ADGB: variants seen among roughly 807,000 people sequenced by gnomAD.
The protein encoded by ADGB is androglobin.
In ADGB, 172 loss-of-function variants were observed where a neutral mutation model predicts 210.5. That is an observed-to-expected ratio of 0.82 (90% CI 0.72 to 0.93). The LOEUF is 0.93. ADGB is among the 40% of genes least tolerant of loss of function. ADGB has a pLI of 0.00. For missense variants in ADGB, 2,025 were observed against 1,964.8 expected, an observed-to-expected ratio of 1.03 and a Z score of -0.58; for synonymous variants, 658 against 662.7, an observed-to-expected ratio of 0.99 and a Z score of 0.11.
chr6:146,651,801 G>T (rs1203108150), intron 3 of ADGB, among the ~76,000 whole-genome samples: 1 of 152,134 alleles, frequency 6.6e-6, no homozygotes, highest in African/African-American at 2.4e-5. Context: ...GAGATGCCTG[G>T]TGGGAAAGGA....
chr6:146,656,709 C>A, intron 4 of ADGB, 62 bp from the exon 5 acceptor site: 1 of 1,135,414 alleles, frequency 8.8e-7, no homozygotes. Flanking sequence ...TGTTTTTATC[C>A]CTAAATTACA....
At chr6:146,691,037 C>T (rs183517164) in intron 10 of ADGB, 79 bp from the exon 11 acceptor site, 27 of 1,267,540 alleles carry the variant, frequency 2.1e-5, no homozygotes, top group East Asian at 1.0e-4. Flanking sequence ...TTGCTCTGTT[C>T]GTGATAGTAT....
intron 3 of ADGB, among the ~76,000 whole-genome samples, chr6:146,645,946 T>A (rs1775603589): frequency 6.6e-6 from 1 of 152,036 alleles, no homozygotes; most frequent in South Asian, 2.1e-4. Flanking sequence ...AACATTGACA[T>A]GAAGAATATG....
chr6:146,739,417 G>T (rs775187651), intron 23 of ADGB, among the ~76,000 whole-genome samples: 22 of 152,246 alleles, frequency 1.4e-4, no homozygotes, highest in Non-Finnish European at 2.1e-4. Context: ...AGGACTGTAA[G>T]TATAAACCAC....
At chr6:146,642,291 G>A (rs545510930) in intron 2 of ADGB, among the ~76,000 whole-genome samples, 1 of 152,150 alleles carries the variant, frequency 6.6e-6, no homozygotes, top group South Asian at 2.1e-4. Context: ...TGGTGGGAGT[G>A]TAAATTAGTT....
At chr6:146,777,472 T>A (rs1191895031) in intron 29 of ADGB, among the ~76,000 whole-genome samples, 1 of 152,146 alleles carries the variant, frequency 6.6e-6, no homozygotes, top group African/African-American at 2.4e-5. Flanking sequence ...ATTATACTCT[T>A]CTAAAAGTAA....
intron 16 of ADGB, among the ~76,000 whole-genome samples, chr6:146,718,223 T>C (rs1391410608): frequency 1.3e-5 from 2 of 151,934 alleles, no homozygotes; most frequent in Admixed American, 6.6e-5. Context: ...GGCATGCGCC[T>C]GTAATCTCAG....
At chr6:146,687,758 T>C (rs529595963) in intron 10 of ADGB, among the ~76,000 whole-genome samples, 16 of 152,136 alleles carry the variant, frequency 1.1e-4, no homozygotes, top group Admixed American at 6.6e-5. Flanking sequence ...GTATCCTGTT[T>C]GTTTCTTTTT....
At chr6:146,706,693 A>G (rs1776573761) in intron 13 of ADGB, among the ~76,000 whole-genome samples, 1 of 152,098 alleles carries the variant, frequency 6.6e-6, no homozygotes, top group Non-Finnish European at 1.5e-5. Context: ...AATTATACAT[A>G]GTAGATTCTT....
rs115667736 is a variant in ADGB, at chr6:146,770,325, T to C, written c.3862+1194T>C. The C allele has an allele frequency of 3.8e-3, 779 of 203,526 alleles. 2 individuals are homozygous for C. Among genetic ancestry groups the C allele is most frequent in the African/African-American group, 0.017 (727 of 42,916 alleles). 12.6% of individuals were successfully genotyped at this position (203,526 alleles called of 1,614,324 possible). A position where few individuals can be genotyped will look rare whatever the true frequency, so the allele number is the denominator to read the frequency against. ...TTGCCAGGCTTACTTTATTAGAAGG[T>C]ATAGATTCTAGTATGTGTCTTAAAA... is the stretch of plus-strand genomic sequence containing the variant. On this transcript the variant is annotated intron_variant, in intron 29 of 35. Coordinates refer to ENST00000397944, the MANE Select transcript of ADGB (RefSeq NM_024694.4).
At chr6:146,771,841 C>A (rs983430778) in intron 29 of ADGB, among the ~76,000 whole-genome samples, 1 of 152,148 alleles carries the variant, frequency 6.6e-6, no homozygotes, top group Non-Finnish European at 1.5e-5. Context: ...CCACTTTGTT[C>A]TTCAAGTTAT....
intron 8 of ADGB, among the ~76,000 whole-genome samples, chr6:146,673,445 C>G (rs1014707065): frequency 3.3e-5 from 5 of 152,060 alleles, no homozygotes; most frequent in Non-Finnish European, 5.9e-5. Flanking sequence ...TCTTTGTTGT[C>G]GTTATCCTTT....
In ADGB at chr6:146,644,799, G is replaced by T; in HGVS notation, c.264G>T (p.Lys88Asn). The T allele has an allele frequency of 6.7e-7, 1 of 1,486,650 alleles. No individual in the cohort carries two copies. The allele number at this position is 1,486,650 out of a possible 1,614,324, so 92.1% of individuals were successfully genotyped here. The change falls in exon 3 of 36, where the codon AAG (lysine) becomes AAT (asparagine). Residue 88 changes from lysine to asparagine, a missense_variant. Transcript: ENST00000397944. ...ATTTTTTTGAGGACCCTGAAGGAAA[G>T]ATTGAGTTACCACCATCCTTGAAAA... ...VFHFFEDPEG[K>N]IELPPSLKIY...
intron 1 of ADGB, among the ~76,000 whole-genome samples, chr6:146,605,069 A>C (rs530770294): frequency 6.6e-6 from 1 of 152,316 alleles, no homozygotes; most frequent in South Asian, 2.1e-4. Flanking sequence ...ATGAGTATCC[A>C]GCAGAATGAC....
chr6:146,785,767 T>C (rs1777863948), intron 32 of ADGB, 55 bp downstream of exon 32: 3 of 1,278,612 alleles, frequency 2.3e-6, no homozygotes, highest in Admixed American at 4.2e-5. Context: ...TGATTTGCAC[T>C]TCTTAAAAAA....
intron 1 of ADGB, among the ~76,000 whole-genome samples, chr6:146,626,743 A>G (rs532219784): frequency 6.6e-6 from 1 of 150,658 alleles, no homozygotes; most frequent in Non-Finnish European, 1.5e-5. Context: ...GTAACTTGGC[A>G]TGGTTTTTTT....
At chr6:146,631,756 A>C (rs1433685152) in intron 1 of ADGB, among the ~76,000 whole-genome samples, 1 of 152,132 alleles carries the variant, frequency 6.6e-6, no homozygotes, top group African/African-American at 2.4e-5. Flanking sequence ...TAGTGAGAGT[A>C]CTGAGTAGTA....
chr6:146,813,074 G>C (rs370703905), intron 35 of ADGB, among the ~76,000 whole-genome samples: 4 of 151,972 alleles, frequency 2.6e-5, no homozygotes, highest in South Asian at 4.2e-4. Flanking sequence ...GACCTGTCTC[G>C]CAGAAAATCC....
intron 3 of ADGB, among the ~76,000 whole-genome samples, chr6:146,651,480 T>C (rs1011516980): frequency 5.3e-5 from 8 of 152,098 alleles, no homozygotes; most frequent in African/African-American, 1.9e-4. Flanking sequence ...TAAAAGACAA[T>C]TTTTGCTCTG....
Sources: allele counts gnomAD v4.1 joint callset (sites outside exome capture counted in the v4.1 genomes callset), GRCh38; gene constraint gnomAD v4.1.1; transcripts MANE v1.5; gene names NCBI Gene and HGNC (gene_info 2026-07-23, HGNC 2026-07-21).